Variants in AUTS2 observed in about 807,000 individuals in gnomAD.
AUTS2 encodes activator of transcription and developmental regulator AUTS2, also known as autism susceptibility gene 2 protein.
A neutral mutation model predicts 112.4 loss-of-function variants in AUTS2; 17 were observed. The observed-to-expected ratio is 0.15, with a 90% CI of 0.10 to 0.23. The LOEUF (loss-of-function observed/expected upper bound fraction) is 0.23. AUTS2 is among the 10% of genes least tolerant of loss of function. The probability of loss-of-function intolerance (pLI) is 1.00; values close to 1 mark genes in which losing one functional copy is unlikely to be tolerated. For synonymous variants in AUTS2, 751 were observed against 702.7 expected (o/e 1.07, Z -1.09); for missense variants, 1,510 against 1,701.6 (o/e 0.89, Z 1.98).
At chr7:70,159,550 G>GT (rs1344115176) in intron 4 of AUTS2, among the ~76,000 whole-genome samples, 1 of 152,124 alleles carries the variant, frequency 6.6e-6, no homozygotes, top group Admixed American at 6.6e-5. Context: ...ATTTAGATGT[G>GT]TTATGATTAT....
intron 1 of AUTS2, among the ~76,000 whole-genome samples, chr7:69,673,708 T>C (rs186776601): frequency 8.3e-4 from 127 of 152,350 alleles, no homozygotes; most frequent in Admixed American, 4.2e-3. Flanking sequence ...CTTATAATTA[T>C]GGGGTAACTT....
intron 5 of AUTS2, among the ~76,000 whole-genome samples, chr7:70,609,392 C>CTTTT (rs1193246208): frequency 8.1e-6 from 1 of 123,820 alleles, no homozygotes; most frequent in Non-Finnish European, 1.7e-5. Context: ...ACAGGATTGT[C>CTTTT]TTTTTTTTTT....
At position 70,240,801 on chromosome 7, in the gene AUTS2, G is replaced by A. The variant is rs532958017; in HGVS notation, c.660+106230G>A. Among the ~76,000 whole-genome samples, 6 of 152,288 alleles carry A rather than the reference G, an allele frequency of 3.9e-5. No homozygotes were observed. In the South Asian group the frequency reaches 8.3e-4, roughly 21 times the overall value. On this transcript the variant is annotated intron_variant, in intron 4 of 18. Transcript: ENST00000342771. ...TTTTCTTTTAGTTTAAGCCTACAAA[G>A]TGTTTATAGTAAAAAAGTTTCAATG...
chr7:69,718,126 T>G (rs1798716864), intron 1 of AUTS2, among the ~76,000 whole-genome samples: 2 of 152,234 alleles, frequency 1.3e-5, no homozygotes, highest in South Asian at 4.1e-4. Context: ...TTACTTTTCC[T>G]ATAATACAAA....
In AUTS2 at chr7:70,473,345, T is replaced by G. The variant is rs575021795; in HGVS notation, c.690+37564T>G. Among the ~76,000 whole-genome samples, 70 of 152,304 alleles carry G rather than the reference T, an allele frequency of 4.6e-4. 3 individuals are homozygous for G. In the South Asian group the frequency reaches 0.013, roughly 28 times the overall value. On this transcript the variant is annotated intron_variant, in intron 5 of 18. Transcript: ENST00000342771. The stretch of plus-strand genomic sequence containing the variant: ...ATAATGGCCTGGCAACAAACCTGCA[T>G]AGTTAGCAAATCCCTCCTCTGTTTA...
chr7:69,810,943 G>A (rs1790519850), intron 1 of AUTS2, among the ~76,000 whole-genome samples: 1 of 152,080 alleles, frequency 6.6e-6, no homozygotes, highest in African/African-American at 2.4e-5. Context: ...CAACATTTTT[G>A]TTTACACATA....
chr7:70,619,249 C>T (rs1302611448), intron 5 of AUTS2, among the ~76,000 whole-genome samples: 1 of 152,136 alleles, frequency 6.6e-6, no homozygotes, highest in East Asian at 1.9e-4. Context: ...TAATAGGGGC[C>T]CGGTGGGAGT....
intron 5 of AUTS2, among the ~76,000 whole-genome samples, chr7:70,492,099 G>A (rs1798271793): frequency 6.6e-6 from 1 of 152,084 alleles, no homozygotes; most frequent in African/African-American, 2.4e-5. Context: ...CCTCCCAGTG[G>A]AGACCTGCCT....
chr7:69,717,349 T>G (rs1798665741), intron 1 of AUTS2, among the ~76,000 whole-genome samples: 3 of 152,204 alleles, frequency 2.0e-5, no homozygotes, highest in African/African-American at 7.2e-5. Context: ...GACAAAGCAT[T>G]CCTGGTGGCA....
chr7:70,029,942 T>C (rs1445454696), intron 2 of AUTS2, among the ~76,000 whole-genome samples: 1 of 152,168 alleles, frequency 6.6e-6, no homozygotes, highest in Non-Finnish European at 1.5e-5. Context: ...CCACACATCA[T>C]TTTAGAAGCT....
chr7:69,930,434 G>A (rs944169176), intron 2 of AUTS2, among the ~76,000 whole-genome samples: 1 of 152,066 alleles, frequency 6.6e-6, no homozygotes, highest in Non-Finnish European at 1.5e-5. Flanking sequence ...TCATCTCCTG[G>A]TATTGCACCC....
chr7:70,306,122 A>G (rs576670475), intron 4 of AUTS2, among the ~76,000 whole-genome samples: 13 of 152,348 alleles, frequency 8.5e-5, no homozygotes, highest in African/African-American at 2.9e-4. Flanking sequence ...GGTCTTCAGC[A>G]TGTCCAAAGA....
intron 5 of AUTS2, among the ~76,000 whole-genome samples, chr7:70,615,560 T>A (rs1804312766): frequency 7.4e-6 from 1 of 134,256 alleles, no homozygotes; most frequent in Non-Finnish European, 1.6e-5. Flanking sequence ...CTAGAAGATT[T>A]ATGGCTTGTT....
At chr7:70,499,436 A>G (rs992160486) in intron 5 of AUTS2, among the ~76,000 whole-genome samples, 2 of 152,126 alleles carry the variant, frequency 1.3e-5, no homozygotes, top group African/African-American at 2.4e-5. Context: ...TGGCCGGGGA[A>G]CTGGGAACAA....
At chr7:70,311,956 C>T (rs905668020) in intron 4 of AUTS2, among the ~76,000 whole-genome samples, 54 of 152,268 alleles carry the variant, frequency 3.5e-4, no homozygotes, top group African/African-American at 8.7e-4. Context: ...CCTCGTGATC[C>T]GCCCGCCTTG....
At chr7:70,151,946 A>G (rs1376267641) in intron 4 of AUTS2, among the ~76,000 whole-genome samples, 2 of 152,224 alleles carry the variant, frequency 1.3e-5, no homozygotes, top group African/African-American at 2.4e-5. Flanking sequence ...AGAGAATGAT[A>G]TTTTAAAAAT....
At chr7:70,180,635 G>A (rs188207238) in intron 4 of AUTS2, among the ~76,000 whole-genome samples, 85 of 152,070 alleles carry the variant, frequency 5.6e-4, no homozygotes, top group Admixed American at 2.4e-3. Context: ...TGGTTCTCTC[G>A]CTATTCCTTG....
chr7:69,811,322 T>C (rs1266620621), intron 1 of AUTS2, among the ~76,000 whole-genome samples: 1 of 152,078 alleles, frequency 6.6e-6, no homozygotes, highest in East Asian at 1.9e-4. Flanking sequence ...TGCATCACTA[T>C]GAGGTTTAAG....
intron 2 of AUTS2, among the ~76,000 whole-genome samples, chr7:69,988,841 G>A (rs1798620320): frequency 6.6e-6 from 1 of 152,088 alleles, no homozygotes; most frequent in Non-Finnish European, 1.5e-5. Flanking sequence ...AGCTCACTTA[G>A]GTCAGTGATT....
Sources: gnomAD v4.1 joint callset for allele counts (sites outside exome capture counted in the v4.1 genomes callset) on GRCh38, gnomAD v4.1.1 for gene constraint, MANE v1.5 for transcripts, NCBI Gene and HGNC (gene_info 2026-07-23, HGNC 2026-07-21) for gene names.